Variants in AEBP2 observed in about 807,000 individuals in gnomAD.
AEBP2 encodes the protein AE binding protein 2, also known as zinc finger protein AEBP2.
AEBP2 carries 10 observed loss-of-function variants against 50.8 expected under a neutral mutation model. The observed-to-expected ratio is 0.20, with a 90% CI of 0.12 to 0.33. The LOEUF (loss-of-function observed/expected upper bound fraction) is 0.33, where lower values mean the gene tolerates loss of function less well. AEBP2 is among the 10% of genes least tolerant of loss of function. AEBP2 has a pLI of 1.00. For missense variants in AEBP2, 570 were observed against 688.0 expected, an observed-to-expected ratio of 0.83 and a Z score of 1.92; for synonymous variants, 296 against 261.3, an observed-to-expected ratio of 1.13 and a Z score of -1.28.
intron 7 of AEBP2, among the ~76,000 whole-genome samples, chr12:19,515,009 C>A (rs375105621): frequency 6.6e-6 from 1 of 151,948 alleles, no homozygotes; most frequent in Non-Finnish European, 1.5e-5. Context: ...TGTTTAATCC[C>A]AGATTTATCT....
chr12:19,459,552 G>A (rs890027343), intron 1 of AEBP2, among the ~76,000 whole-genome samples: 1 of 152,094 alleles, frequency 6.6e-6, no homozygotes, highest in Non-Finnish European at 1.5e-5. Context: ...GAAATTTCTA[G>A]GGTTTAAATA....
intron 2 of AEBP2, among the ~76,000 whole-genome samples, chr12:19,471,455 T>C (rs1354293062): frequency 6.6e-6 from 1 of 152,142 alleles, no homozygotes; most frequent in Non-Finnish European, 1.5e-5. Context: ...ATAGCATTAA[T>C]TACCCATGTG....
chr12:19,497,352 T>TTTTTTTTA (rs71067031), intron 4 of AEBP2, among the ~76,000 whole-genome samples: 1 of 144,916 alleles, frequency 6.9e-6, no homozygotes, highest in African/African-American at 2.5e-5. Context: ...TTTTTTTTTT[T>TTTTTTTTA]GAGACAGAGT....
intron 4 of AEBP2, among the ~76,000 whole-genome samples, chr12:19,494,498 CTTTTT>C (rs747750453): frequency 1.7e-5 from 2 of 115,860 alleles, no homozygotes; most frequent in Non-Finnish European, 1.7e-5. Flanking sequence ...AGCAGTGTTG[CTTTTT>C]TTTTTTTTTT....
intron 1 of AEBP2, among the ~76,000 whole-genome samples, chr12:19,429,487 A>G (rs2095750309): frequency 6.6e-6 from 1 of 152,336 alleles, no homozygotes; most frequent in South Asian, 2.1e-4. Flanking sequence ...CTTTGGGTAT[A>G]TACCCAGTAA....
At chr12:19,507,246 G>A (rs1250923310) in intron 5 of AEBP2, among the ~76,000 whole-genome samples, 1 of 152,126 alleles carries the variant, frequency 6.6e-6, no homozygotes, top group East Asian at 1.9e-4. Context: ...GTGAAATGGT[G>A]GTCTAGTAAT....
chr12:19,456,641 A>G, intron 1 of AEBP2: 1 of 1,531,566 alleles, frequency 6.5e-7, no homozygotes. Context: ...TTGGTGGGTC[A>G]TCTTTGCTGT....
Position 19,406,831 on chromosome 12 carries a change from C to T in AEBP2, c.-17+2615C>T, listed in dbSNP as rs572224076. On this transcript the variant is annotated intron_variant, in intron 1 of 3. Transcript: ENST00000538425. Reference sequence around the variant, plus strand: ...ATCTTCTGTGAGCTTTATAGTTTTGCGTTTTACATTTAGGTCTGTGATCCA... The same window carrying T: ...ATCTTCTGTGAGCTTTATAGTTTTGTGTTTTACATTTAGGTCTGTGATCCA... Among the ~76,000 whole-genome samples, 6 of 152,140 alleles carry T rather than the reference C, an allele frequency of 3.9e-5. No homozygotes were observed. The East Asian group carries it at 9.7e-4, about 24-fold the overall frequency.
At chr12:19,432,133 T>C (rs1490641721) in intron 1 of AEBP2, among the ~76,000 whole-genome samples, 1 of 152,054 alleles carries the variant, frequency 6.6e-6, no homozygotes, top group Non-Finnish European at 1.5e-5. Flanking sequence ...AAGAGAGAAT[T>C]AGAGAAGCCC....
At chr12:19,517,232 TCTTA>T (rs139239354) in intron 7 of AEBP2, among the ~76,000 whole-genome samples, 117 of 152,270 alleles carry the variant, frequency 7.7e-4, no homozygotes, top group African/African-American at 2.7e-3. Flanking sequence ...AAACAATTAT[TCTTA>T]CTTGTTTTTA....
chr12:19,449,371 A>G (rs933704730), intron 1 of AEBP2, among the ~76,000 whole-genome samples: 3 of 152,148 alleles, frequency 2.0e-5, no homozygotes, highest in Non-Finnish European at 4.4e-5. Flanking sequence ...GAATGTTTCT[A>G]GTGTTTGTGA....
chr12:19,457,051 C>T lies in AEBP2; in HGVS notation c.672-5459C>T, dbSNP rs1948281722. 5 of 1,608,090 alleles carry T rather than the reference C, an allele frequency of 3.1e-6. No individual in the cohort carries two copies. The South Asian group carries it at 5.5e-5, about 18-fold the overall frequency. On this transcript the variant is annotated intron_variant, in intron 1 of 7. Transcript: ENST00000266508. The stretch of plus-strand genomic sequence containing the variant: ...CTCCAGCATGTTGTCACCATTCCAA[C>T]CAGAAATTGGCACAAATGCTTCTGT...
At chr12:19,444,289 G>A (rs550869400) in intron 1 of AEBP2, among the ~76,000 whole-genome samples, 1 of 152,300 alleles carries the variant, frequency 6.6e-6, no homozygotes, top group Admixed American at 6.5e-5. Flanking sequence ...GTTACTGAAC[G>A]TGTATTTATG....
At chr12:19,406,068 G>A (rs2095736123) in intron 1 of AEBP2, among the ~76,000 whole-genome samples, 1 of 151,568 alleles carries the variant, frequency 6.6e-6, no homozygotes, top group Non-Finnish European at 1.5e-5. Flanking sequence ...CCGAGTCAAA[G>A]GACTCTCCTG....
At chr12:19,418,381 A>C (rs554605811) in intron 1 of AEBP2, among the ~76,000 whole-genome samples, 34 of 134,986 alleles carry the variant, frequency 2.5e-4, no homozygotes, top group African/African-American at 9.1e-4. Context: ...CATGCTAACT[A>C]TGCCTGGCTT....
At chr12:19,447,398 C>A (rs1439670362) in intron 1 of AEBP2, among the ~76,000 whole-genome samples, 1 of 152,140 alleles carries the variant, frequency 6.6e-6, no homozygotes, top group Non-Finnish European at 1.5e-5. Context: ...TTGTGTGCTC[C>A]CTGAGAAGAA....
chr12:19,467,345 A>G (rs567133927), intron 2 of AEBP2, among the ~76,000 whole-genome samples: 4 of 152,266 alleles, frequency 2.6e-5, no homozygotes, highest in African/African-American at 9.6e-5. Flanking sequence ...CCAGGCTGAA[A>G]TGCAGTGGTG....
At chr12:19,450,859 A>ATT (rs530384693) in intron 1 of AEBP2, among the ~76,000 whole-genome samples, 4 of 142,144 alleles carry the variant, frequency 2.8e-5, no homozygotes, top group African/African-American at 7.7e-5. Context: ...AAAAAGGGTC[A>ATT]TTTTTTTTTT....
chr12:19,471,503 TTAAG>T (rs1288487810), intron 2 of AEBP2, among the ~76,000 whole-genome samples: 6 of 150,684 alleles, frequency 4.0e-5, no homozygotes, highest in Non-Finnish European at 8.9e-5. Flanking sequence ...TCTATAGCAT[TTAAG>T]TTTTTTTTTT....
Sources: allele counts gnomAD v4.1 joint callset (sites outside exome capture counted in the v4.1 genomes callset), GRCh38; gene constraint gnomAD v4.1.1; transcripts MANE v1.5; gene names NCBI Gene and HGNC (gene_info 2026-07-23, HGNC 2026-07-21).